The following MIR17HG variants were observed in gnomAD, a reference collection of about 807,000 sequenced individuals.
MIR17HG encodes the protein MIR17 host gene (non-protein coding).
chr13:91,348,042 G>C (rs911102179), intron 1 of MIR17HG: 4 of 150,580 alleles, frequency 2.7e-5, no homozygotes, highest in African/African-American at 9.7e-5. Context: ...AGCGGCCCGG[G>C]GCGGACTGGC....
chr13:91,350,449 G>A (rs938932361), intron 3 of MIR17HG: 1 of 380,812 alleles, frequency 2.6e-6, no homozygotes, highest in Admixed American at 3.2e-5. Context: ...TCATATCTTT[G>A]AGATAATTAA....
intron 3 of MIR17HG, among the ~76,000 whole-genome samples, chr13:91,353,109 CAAAAAAA>C (rs549062236): frequency 6.9e-4 from 20 of 28,886 alleles, no homozygotes; most frequent in East Asian, 1.9e-3. Context: ...GACTTAAACG[CAAAAAAA>C]AAAAAAAAAA....
intron 2 of MIR17HG, chr13:91,350,144 C>G (rs1875222261): frequency 5.8e-6 from 1 of 171,630 alleles, no homozygotes; most frequent in African/African-American, 2.4e-5. Context: ...TTTTGTTAAT[C>G]ATTTCAACAA....
intron 3 of MIR17HG, among the ~76,000 whole-genome samples, chr13:91,353,392 TAATA>T (rs1431544069): frequency 6.6e-6 from 1 of 152,216 alleles, no homozygotes; most frequent in Admixed American, 6.5e-5. Context: ...ATAAACAAGT[TAATA>T]AATGTGTATG....
chr13:91,351,201 A>G (rs374218049), intron 3 of MIR17HG: 1 of 528,050 alleles, frequency 1.9e-6, no homozygotes, highest in Non-Finnish European at 3.9e-6. Context: ...ACACTGTTCT[A>G]TGGTTAGTTT....
At chr13:91,350,755 C>G (rs41275866) in intron 3 of MIR17HG, 1 of 534,308 alleles carries the variant, frequency 1.9e-6, no homozygotes, top group African/African-American at 1.9e-5. Flanking sequence ...GCTTTTTGTT[C>G]TAAGGTGCAT....
At chr13:91,348,242 G>C (rs1436948751) in intron 1 of MIR17HG, among the ~76,000 whole-genome samples, 3 of 150,074 alleles carry the variant, frequency 2.0e-5, no homozygotes, top group Non-Finnish European at 4.5e-5. Context: ...CGCAGACCCT[G>C]CCTGGGCCGA....
intron 1 of MIR17HG, among the ~76,000 whole-genome samples, chr13:91,348,342 C>A (rs949695298): frequency 1.1e-3 from 167 of 149,928 alleles, no homozygotes; most frequent in African/African-American, 4.0e-3. Flanking sequence ...CCGGGGCGCG[C>A]GCGGGGCGTG....
intron 3 of MIR17HG, chr13:91,352,260 T>G (rs1875353754): frequency 6.6e-6 from 1 of 152,174 alleles, no homozygotes; most frequent in Non-Finnish European, 1.5e-5. Flanking sequence ...CAGTTAGTGT[T>G]TTACCCAGCA....
chr13:91,349,399 A>G (rs201425287), intron 1 of MIR17HG, among the ~76,000 whole-genome samples: 1 of 150,506 alleles, frequency 6.6e-6, no homozygotes. Context: ...TTTTCCTTTT[A>G]CTGGAGCTGT....
intron 1 of MIR17HG, chr13:91,349,691 A>G (rs1343093736): frequency 1.2e-4 from 18 of 152,080 alleles, no homozygotes; most frequent in Admixed American, 1.1e-3. Context: ...ATTTTTCCCT[A>G]TTCCAGTCAT....
At chr13:91,352,002 G>A (rs1378038980) in intron 3 of MIR17HG, 1 of 152,536 alleles carries the variant, frequency 6.6e-6, no homozygotes, top group Non-Finnish European at 1.5e-5. Context: ...TTTAGCATCT[G>A]CAACTTAAAA....
At chr13:91,348,505 G>T (rs1336580056) in intron 1 of MIR17HG, among the ~76,000 whole-genome samples, 1 of 151,218 alleles carries the variant, frequency 6.6e-6, no homozygotes, top group Non-Finnish European at 1.5e-5. Flanking sequence ...TGGCGTGGGC[G>T]GGAGCCCGCG....
chr13:91,352,442 AT>A (rs1457850329), intron 3 of MIR17HG: 8 of 152,192 alleles, frequency 5.3e-5, no homozygotes, highest in Non-Finnish European at 1.2e-4. Flanking sequence ...GAGAAATGTC[AT>A]TGTATTTTGG....
chr13:91,352,268 G>C (rs758994282), intron 3 of MIR17HG: 9 of 152,132 alleles, frequency 5.9e-5, no homozygotes, highest in Non-Finnish European at 8.8e-5. Context: ...GTTTTACCCA[G>C]CATTTCTGCC....
exon 1 of MIR17HG, chr13:91,347,851 C>A (rs1717768982): frequency 6.8e-6 from 1 of 147,914 alleles, no homozygotes; most frequent in African/African-American, 2.5e-5. Flanking sequence ...GCCGGCCGGC[C>A]GCACCCCCGG....
chr13:91,353,656 A>T (rs1354172753), intron 3 of MIR17HG, among the ~76,000 whole-genome samples: 1 of 152,242 alleles, frequency 6.6e-6, no homozygotes, highest in Non-Finnish European at 1.5e-5. Flanking sequence ...TGACCTGAGA[A>T]AAAACAACTT....
intron 1 of MIR17HG, among the ~76,000 whole-genome samples, chr13:91,348,385 C>T (rs564751394): frequency 4.0e-5 from 6 of 150,100 alleles, no homozygotes; most frequent in African/African-American, 1.2e-4. Flanking sequence ...CTCCCGAGGG[C>T]GAGAGTTAAA....
intron 3 of MIR17HG, chr13:91,351,373 C>G: frequency 1.9e-6 from 1 of 524,616 alleles, no homozygotes; most frequent in Non-Finnish European, 4.0e-6. Context: ...TTGCACTTGT[C>G]CCGGCCTGTT....
Sources: gnomAD v4.1 joint callset for allele counts (sites outside exome capture counted in the v4.1 genomes callset) on GRCh38, gnomAD v4.1.1 for gene constraint, MANE v1.5 for transcripts, NCBI Gene and HGNC (gene_info 2026-07-23, HGNC 2026-07-21) for gene names.